Variants in CUL2 observed in about 807,000 individuals in gnomAD.
The protein encoded by CUL2 is cullin-2.
Under a neutral mutation model 110.2 loss-of-function variants are expected in CUL2, and 22 were observed. The ratio of observed to expected loss-of-function variants is 0.20; its 90% CI spans 0.14 to 0.28. The LOEUF (loss-of-function observed/expected upper bound fraction) is 0.28, where lower values mean the gene tolerates loss of function less well. CUL2 is among the 10% of genes least tolerant of loss of function. The pLI is 1.00. For synonymous variants in CUL2, 279 were observed against 293.2 expected (o/e 0.95, Z 0.49); for missense variants, 631 against 905.5 (o/e 0.70, Z 3.89).
rs1277585041 is a variant in CUL2 at position 35,123,373 on chromosome 10, T to C, written c.-51+3232A>G. Among the ~76,000 whole-genome samples the C allele has an allele frequency of 2.0e-5, 3 of 152,312 alleles. No individual in the cohort carries two copies. In the East Asian group the frequency reaches 5.8e-4, roughly 29 times the overall value. On this transcript the variant is annotated intron_variant, in intron 1 of 5. Transcript: ENST00000685421. The stretch of plus-strand genomic sequence containing the variant: ...TTAAGTTTCAGTCCCTCCTAGTCAC[T>C]GTAGATTTTCTAAGAGAAATCACAT...
chr10:35,014,139 C>T (rs2084970362), intron 18 of CUL2, among the ~76,000 whole-genome samples: 1 of 152,092 alleles, frequency 6.6e-6, no homozygotes, highest in African/African-American at 2.4e-5. Context: ...TTTTATGAAA[C>T]ACCAAAGTGC....
Position 35,038,977 on chromosome 10 carries a change from G to A in CUL2, c.820C>T (p.His274Tyr). ...CATTCTGCATGTAAAAACTGTAAGT[G>A]GTCTGCTACCATTCGTTGTTGACAT... Reference protein sequence around the residue: ...HECQQRMVADHLQFLHAECHN... With the variant: ...HECQQRMVADYLQFLHAECHN... Residue 274 changes from histidine to tyrosine, a missense_variant, in exon 9 of 21, where the codon CAC (histidine) becomes TAC (tyrosine). Coordinates refer to ENST00000374749, the MANE Select transcript of CUL2 (RefSeq NM_003591.4). The A allele has an allele frequency of 1.9e-6, 3 of 1,609,320 alleles. No homozygotes were observed. Among genetic ancestry groups the A allele is most frequent in the Non-Finnish European group, 2.5e-6 (3 of 1,177,444 alleles).
At chr10:35,083,602 T>TC (rs1440360463) in intron 1 of CUL2, among the ~76,000 whole-genome samples, 3 of 152,102 alleles carry the variant, frequency 2.0e-5, no homozygotes, top group Non-Finnish European at 2.9e-5. Context: ...GAAGGTGCTT[T>TC]CCCCCCACAA....
chr10:35,100,398 G>C (rs2087360235), intron 2 of CUL2, among the ~76,000 whole-genome samples: 1 of 152,120 alleles, frequency 6.6e-6, no homozygotes, highest in African/African-American at 2.4e-5. Flanking sequence ...TATTAGAAAA[G>C]ATTGGAGGCA....
intron 4 of CUL2, among the ~76,000 whole-genome samples, chr10:35,058,552 G>A (rs1217152489): frequency 6.6e-6 from 1 of 152,144 alleles, no homozygotes. Context: ...GATAAGTGTC[G>A]ATTCTTAGCT....
intron 17 of CUL2, 111 bp downstream of exon 17, chr10:35,025,021 A>C: frequency 7.6e-7 from 1 of 1,321,906 alleles, no homozygotes; most frequent in Non-Finnish European, 9.7e-7. Flanking sequence ...GGAAAGGTTG[A>C]TGGAGGAGAA....
chr10:35,026,910 T>A lies in CUL2; in HGVS notation c.1618-1712A>T, dbSNP rs548724782. Reference sequence around the variant, plus strand: ...CAGGTTAGTTACATATGCATACATGTGCCATGCTGGTGTGCTGCACCCACT... The same window carrying A: ...CAGGTTAGTTACATATGCATACATGAGCCATGCTGGTGTGCTGCACCCACT... On this transcript the variant is annotated intron_variant, in intron 16 of 20. Transcript: ENST00000374749. Among the ~76,000 whole-genome samples the A allele has an allele frequency of 7.9e-5, 12 of 152,262 alleles. 1 individual carries two copies. The highest frequency in any genetic ancestry group is 2.9e-4 in the African/African-American group (12 of 41,562).
intron 1 of CUL2, among the ~76,000 whole-genome samples, chr10:35,117,885 G>C (rs112146515): frequency 6.6e-6 from 1 of 152,118 alleles, no homozygotes; most frequent in South Asian, 2.1e-4. Context: ...TTTCTTAATA[G>C]ACTTGATTTT....
At chr10:35,049,373 T>A (rs1361483929) in intron 6 of CUL2, among the ~76,000 whole-genome samples, 1 of 152,158 alleles carries the variant, frequency 6.6e-6, no homozygotes, top group Non-Finnish European at 1.5e-5. Flanking sequence ...GGGCACTGCC[T>A]AGAAAGTCTA....
At chr10:35,102,951 C>G (rs975720851) in intron 1 of CUL2, among the ~76,000 whole-genome samples, 7 of 151,968 alleles carry the variant, frequency 4.6e-5, no homozygotes, top group Non-Finnish European at 5.9e-5. Flanking sequence ...CCACAATACT[C>G]CAATTATTAA....
At chr10:35,110,684 A>G (rs959584331) in intron 1 of CUL2, among the ~76,000 whole-genome samples, 30 of 152,262 alleles carry the variant, frequency 2.0e-4, no homozygotes, top group African/African-American at 7.0e-4. Context: ...AGTCTGTTGC[A>G]GGCCTCTCTC....
chr10:35,072,660 A>G (rs2086711848), intron 1 of CUL2, among the ~76,000 whole-genome samples: 2 of 152,126 alleles, frequency 1.3e-5, no homozygotes, highest in Admixed American at 6.6e-5. Flanking sequence ...GAGCCACTGC[A>G]CCTGGCCCAG....
At chr10:35,084,636 TG>T (rs1193033372) in intron 1 of CUL2, among the ~76,000 whole-genome samples, 35 of 152,362 alleles carry the variant, frequency 2.3e-4, no homozygotes, top group African/African-American at 7.7e-4. Flanking sequence ...CAAATCACTC[TG>T]AATAGATATT....
At chr10:35,027,111 G>A (rs2085354171) in intron 16 of CUL2, among the ~76,000 whole-genome samples, 1 of 150,144 alleles carries the variant, frequency 6.7e-6, no homozygotes, top group South Asian at 2.1e-4. Context: ...ACCTTTAATA[G>A]ATAGCTACAT....
At chr10:35,050,338 A>C (rs895634341) in intron 5 of CUL2, among the ~76,000 whole-genome samples, 4 of 151,926 alleles carry the variant, frequency 2.6e-5, no homozygotes, top group African/African-American at 9.7e-5. Context: ...AAAAAAAAAA[A>C]CTTAATTTTT....
chr10:35,041,702 A>G (rs2085793864), intron 8 of CUL2, among the ~76,000 whole-genome samples: 1 of 152,010 alleles, frequency 6.6e-6, no homozygotes, highest in African/African-American at 2.4e-5. Context: ...ATGTGTGGCT[A>G]GTTTTTTAAT....
intron 9 of CUL2, among the ~76,000 whole-genome samples, chr10:35,038,081 C>CA (rs1398647926): frequency 6.6e-6 from 1 of 152,022 alleles, no homozygotes; most frequent in Admixed American, 6.6e-5. Flanking sequence ...ACCTGGGAGG[C>CA]AGGGGTTGCA....
intron 14 of CUL2, among the ~76,000 whole-genome samples, 159 bp from the exon 15 acceptor site, chr10:35,029,799 A>G (rs2085436364): frequency 2.0e-5 from 3 of 152,228 alleles, no homozygotes. Context: ...AGTCAAAGCA[A>G]CTAATCAAAA....
upstream of CUL2, among the ~76,000 whole-genome samples, chr10:35,091,688 T>A (rs2087207222): frequency 6.6e-6 from 1 of 151,926 alleles, no homozygotes; most frequent in Admixed American, 6.6e-5. Context: ...CGGCACAATC[T>A]CAGCTCACTG....
Sources: allele counts gnomAD v4.1 joint callset (sites outside exome capture counted in the v4.1 genomes callset), GRCh38; gene constraint gnomAD v4.1.1; transcripts MANE v1.5; gene names NCBI Gene and HGNC (gene_info 2026-07-23, HGNC 2026-07-21).